The following PI4KA variants were observed in gnomAD, a reference collection of about 807,000 sequenced individuals.
The protein encoded by PI4KA is phosphatidylinositol 4-kinase alpha, also known as PI4-kinase alpha.
Under a neutral mutation model 271.4 loss-of-function variants are expected in PI4KA, and 122 were observed. The observed-to-expected ratio is 0.45, with a 90% CI of 0.39 to 0.52. The LOEUF (loss-of-function observed/expected upper bound fraction) is 0.52. PI4KA is among the 20% of genes least tolerant of loss of function. The pLI is 0.00. For missense variants in PI4KA, 1,969 were observed against 2,769.1 expected (o/e 0.71, Z 6.48); for synonymous variants, 1,041 against 1,078.8 (o/e 0.96, Z 0.69).
intron 23 of PI4KA, among the ~76,000 whole-genome samples, chr22:20,759,485 C>T (rs2147368649): frequency 6.9e-6 from 1 of 144,342 alleles, no homozygotes; most frequent in South Asian, 2.3e-4. Context: ...CTCACCTCAA[C>T]CTCCGTCTCC....
intron 23 of PI4KA, among the ~76,000 whole-genome samples, chr22:20,759,401 T>C (rs1344849388): frequency 2.1e-5 from 3 of 141,670 alleles, no homozygotes; most frequent in Admixed American, 7.3e-5. Flanking sequence ...TCTTTTCTTT[T>C]CTTTTTTTTT....
chr22:20,725,440 C>T (rs192857903), intron 42 of PI4KA: 5 of 379,304 alleles, frequency 1.3e-5, no homozygotes, highest in Non-Finnish European at 2.8e-5. Flanking sequence ...CAGAATGGTA[C>T]TGTATTTGGA....
At position 20,820,550 on chromosome 22, in the gene PI4KA, A is replaced by C. The variant is rs1922512660; in HGVS notation, c.518T>G (p.Ile173Ser). ...AAGGATACTCGTACCTTTGTCTTGA[A>C]TCTCCAAGGCCTGGCACATCCCCAA... ...VLLGMCQALE[I>S]QDKEYLCKYA... The change falls in exon 5 of 55, where the codon ATT (isoleucine) becomes AGT (serine). Residue 173 changes from isoleucine (I) to serine (S), a missense_variant. Ile to Ser is a moderately radical substitution (Grantham distance 142). Coordinates refer to ENST00000255882, the MANE Select transcript of PI4KA (RefSeq NM_058004.4). The C allele has an allele frequency of 6.2e-7, 1 of 1,607,492 alleles. No individual in the cohort carries two copies. Among genetic ancestry groups the C allele is most frequent in the East Asian group, 2.2e-5 (1 of 44,856 alleles).
intron 17 of PI4KA, among the ~76,000 whole-genome samples, chr22:20,797,174 G>T (rs967656930): frequency 4.6e-5 from 7 of 152,212 alleles, no homozygotes; most frequent in African/African-American, 1.7e-4. Flanking sequence ...ATACCTGGTA[G>T]GTCAAGGGCA....
intron 30 of PI4KA, among the ~76,000 whole-genome samples, chr22:20,743,410 C>T (rs922856267): frequency 6.6e-6 from 1 of 152,062 alleles, no homozygotes; most frequent in Admixed American, 6.5e-5. Context: ...TCCCTAAGTG[C>T]TGGGATTACA....
At chr22:20,819,130 G>A (rs529091102) in intron 6 of PI4KA, among the ~76,000 whole-genome samples, 6 of 152,318 alleles carry the variant, frequency 3.9e-5, no homozygotes, top group African/African-American at 1.2e-4. Flanking sequence ...TGTTTAGGGC[G>A]AAACGGTGAA....
chr22:20,727,887 G>C (rs1273264862), intron 39 of PI4KA, 23 bp from the exon 40 acceptor site: 3 of 1,592,346 alleles, frequency 1.9e-6, no homozygotes, highest in Non-Finnish European at 1.7e-6. Flanking sequence ...GAGGGTATGG[G>C]TGGTGCTGCC....
At position 20,734,571 on chromosome 22, in the gene PI4KA, A is replaced by G; in HGVS notation, c.3742-18T>C. Reference sequence around the variant, plus strand: ...CGCATGAACTACAGGTACAGAAGGAATGTTAGCTCCTCTGTGAAACACAAA... The same window carrying G: ...CGCATGAACTACAGGTACAGAAGGAGTGTTAGCTCCTCTGTGAAACACAAA... On this transcript the variant is annotated intron_variant, in intron 32 of 54. Coordinates refer to ENST00000255882, the MANE Select transcript of PI4KA (RefSeq NM_058004.4). 2 of 1,613,776 alleles carry G rather than the reference A, an allele frequency of 1.2e-6. No individual in the cohort carries two copies. The highest frequency in any genetic ancestry group is 1.7e-6 in the Non-Finnish European group (2 of 1,179,756).
intron 22 of PI4KA, among the ~76,000 whole-genome samples, chr22:20,761,879 G>C (rs1932006092): frequency 6.6e-6 from 1 of 151,896 alleles, no homozygotes; most frequent in Non-Finnish European, 1.5e-5. Flanking sequence ...CTTTGCATGT[G>C]TATGTGTAGG....
chr22:20,744,667 G>A lies in PI4KA; in HGVS notation c.3417C>T (p.Phe1139=). The change falls in exon 30 of 55, where the codon TTC becomes TTT. Residue 1139 remains phenylalanine (F), a synonymous_variant. Transcript: ENST00000255882. The stretch of plus-strand genomic sequence containing the variant: ...GGTTGCGCAGATTCAGGGATGCCAT[G>A]AAGTTGGAGTAGTCTTTCTTCACAC... ...PACVKKDYSN[F]MASLNLRNRY... is the part of the protein sequence containing the mutation. The A allele has an allele frequency of 6.2e-7, 1 of 1,614,234 alleles. No individual in the cohort carries two copies. Among genetic ancestry groups the A allele is most frequent in the South Asian group, 1.1e-5 (1 of 91,088 alleles).
rs915162465 is a variant in PI4KA, at chr22:20,837,669, AAAAT to A, written c.273+942_273+945del. 7.9e-5 allele frequency among the ~76,000 whole-genome samples: 12 copies of A among 152,208 alleles called. 1 individual carries two copies. Among genetic ancestry groups the A allele is most frequent in the South Asian group, 4.1e-4 (2 of 4,838 alleles). On this transcript the variant is annotated intron_variant, in intron 2 of 54. Coordinates refer to ENST00000255882, the MANE Select transcript of PI4KA (RefSeq NM_058004.4). ...TTAGAAATAGTATCTAGTAATGATA[AAAAT>A]AAATAAATAAATAAAAGATTCAATA... is the stretch of plus-strand genomic sequence containing the variant.
At chr22:20,735,143 G>C (rs1292528055) in intron 32 of PI4KA, among the ~76,000 whole-genome samples, 1 of 151,404 alleles carries the variant, frequency 6.6e-6, no homozygotes, top group Non-Finnish European at 1.5e-5. Context: ...TTCCGTGGGG[G>C]GGCATGAGGG....
rs1464265867 is a variant in PI4KA, at chr22:20,712,722, G to T, written c.5647C>A (p.Pro1883Thr). 1 of 1,550,902 alleles carries T rather than the reference G, an allele frequency of 6.4e-7. No homozygotes were observed. Among genetic ancestry groups the T allele is most frequent in the Non-Finnish European group, 8.7e-7 (1 of 1,147,652 alleles). ...GGGGCAGTGGCCACCACGCGGTAGG[G>T]AAAAACAAAGAGGTCCAGGCCGACC... Reference protein sequence around the residue: ...QLVGLDLFVFPYRVVATAPGC... With the variant: ...QLVGLDLFVFTYRVVATAPGC... The change falls in exon 49 of 55, where the codon CCC (proline) becomes ACC (threonine). Residue 1883 changes from proline to threonine, a missense_variant. Around this residue, in one of 13 missense-constraint regions of PI4KA, gnomAD observed 110 missense variants for 349.8 expected, o/e 0.31. Coordinates refer to ENST00000255882, the MANE Select transcript of PI4KA (RefSeq NM_058004.4).
chr22:20,756,031 A>C (rs1931253778), intron 23 of PI4KA, among the ~76,000 whole-genome samples: 1 of 152,082 alleles, frequency 6.6e-6, no homozygotes, highest in Non-Finnish European at 1.5e-5. Flanking sequence ...ATGAAGCCTG[A>C]GACATAAAGA....
chr22:20,818,515 G>A lies in PI4KA; in HGVS notation c.824C>T (p.Ser275Phe). 2 of 1,567,558 alleles carry A rather than the reference G, an allele frequency of 1.3e-6. No individual in the cohort carries two copies. The highest frequency in any genetic ancestry group is 1.7e-6 in the Non-Finnish European group (2 of 1,162,366). The change falls in exon 7 of 55, where the codon TCC (serine) becomes TTC (phenylalanine). Residue 275 changes from serine to phenylalanine, a missense_variant. Coordinates refer to ENST00000255882, the MANE Select transcript of PI4KA (RefSeq NM_058004.4). ...GTAGTGAAAGGCAGATCCTCCAGGG[G>A]AACTGGGAGGGGGCATGCCGCGTTC... ...SPERGMPPPSSPGGSAFHYFE... is the reference protein window; with the variant it reads ...SPERGMPPPSFPGGSAFHYFE...
In PI4KA at chr22:20,849,025, T is replaced by C. The variant is rs542360369; in HGVS notation, c.156+9545A>G. The stretch of plus-strand genomic sequence containing the variant: ...TTTAAAATTGGGCAAAGAATCTGAA[T>C]AGATATATCTCCAAAGAAGATCTAC... On this transcript the variant is annotated intron_variant, in intron 1 of 54. Transcript: ENST00000255882. Among the ~76,000 whole-genome samples, 7 of 152,026 alleles carry C rather than the reference T, an allele frequency of 4.6e-5. No individual in the cohort carries two copies. The East Asian group carries it at 9.7e-4, about 21-fold the overall frequency.
intron 12 of PI4KA, 52 bp from the exon 13 acceptor site, chr22:20,803,372 G>T (rs766281385): frequency 1.2e-6 from 2 of 1,611,112 alleles, no homozygotes; most frequent in South Asian, 2.2e-5. Context: ...GACCATCTGA[G>T]TAGGCCCTGA....
intron 8 of PI4KA, among the ~76,000 whole-genome samples, chr22:20,812,070 T>C (rs995569191): frequency 1.0e-4 from 15 of 145,122 alleles, no homozygotes; most frequent in Non-Finnish European, 1.8e-4. Flanking sequence ...AGTTAAAATA[T>C]ACTGCAAAAA....
At chr22:20,775,147 A>T (rs942947248) in intron 19 of PI4KA, among the ~76,000 whole-genome samples, 1 of 152,192 alleles carries the variant, frequency 6.6e-6, no homozygotes, top group African/African-American at 2.4e-5. Flanking sequence ...TGAAAAGGCC[A>T]ACCCAGCTCT....
Sources: allele counts gnomAD v4.1 joint callset (sites outside exome capture counted in the v4.1 genomes callset), GRCh38; gene constraint gnomAD v4.1.1; regional missense constraint gnomAD v4.1.1; transcripts MANE v1.5; gene names NCBI Gene and HGNC (gene_info 2026-07-23, HGNC 2026-07-21).